Variants in CPPED1 observed in about 807,000 individuals in gnomAD.
CPPED1 encodes the protein serine/threonine-protein phosphatase CPPED1.
CPPED1 carries 28 observed loss-of-function variants against 28.0 expected under a neutral mutation model. The ratio of observed to expected loss-of-function variants is 1.00; its 90% CI spans 0.74 to 1.37. The LOEUF (loss-of-function observed/expected upper bound fraction) is 1.37, where lower values mean the gene tolerates loss of function less well. CPPED1 is among the 40% of genes most tolerant of loss of function. The pLI is 0.00. For missense variants in CPPED1, 504 were observed against 416.5 expected (o/e 1.21, Z -1.83); for synonymous variants, 198 against 180.2 (o/e 1.10, Z -0.79).
chr16:12,676,362 T>C (rs1480300068), intron 3 of CPPED1, among the ~76,000 whole-genome samples: 2 of 152,162 alleles, frequency 1.3e-5, no homozygotes, highest in Non-Finnish European at 2.9e-5. Flanking sequence ...GAGCTACTCA[T>C]AACAAAATGC....
chr16:12,783,677 T>C lies in CPPED1; in HGVS notation c.71-2274A>G, dbSNP rs145697315. ...CTCACTATCACCTTAGAATGGACTC[T>C]GGTTTCAAGCCTCCTTTCCCTTCTT... On this transcript the variant is annotated intron_variant, in intron 1 of 3. Coordinates refer to ENST00000381774, the MANE Select transcript of CPPED1 (RefSeq NM_018340.3). Among the ~76,000 whole-genome samples, 128 of 152,248 alleles carry C rather than the reference T, an allele frequency of 8.4e-4. 2 individuals are homozygous for C. In the South Asian group the frequency reaches 0.011, roughly 13 times the overall value.
intron 1 of CPPED1, among the ~76,000 whole-genome samples, chr16:12,789,699 G>C (rs1052988253): frequency 1.3e-5 from 2 of 152,034 alleles, no homozygotes; most frequent in Non-Finnish European, 2.9e-5. Flanking sequence ...TTAATTTTTT[G>C]TATTTTTGGT....
At chr16:12,793,560 A>G (rs1596487896) in intron 1 of CPPED1, among the ~76,000 whole-genome samples, 1 of 152,206 alleles carries the variant, frequency 6.6e-6, no homozygotes, top group East Asian at 1.9e-4. Context: ...TCTGCACAGT[A>G]GGAATAACAG....
rs145885898 is a variant in CPPED1 at position 12,759,025 on chromosome 16, T to A, written c.289+22160A>T. 4.0e-3 allele frequency among the ~76,000 whole-genome samples: 599 copies of A among 151,386 alleles called. 2 individuals are homozygous for A. Among genetic ancestry groups the A allele is most frequent in the Middle Eastern group, 0.017 (5 of 294 alleles). Reference sequence around the variant, plus strand: ...AAAAAATTTTAAAATTAGCTGGACATGGTGGCATGTATCTGCAGTCCCAGC... The same window carrying A: ...AAAAAATTTTAAAATTAGCTGGACAAGGTGGCATGTATCTGCAGTCCCAGC... On this transcript the variant is annotated intron_variant, in intron 2 of 3. Transcript: ENST00000381774.
intron 2 of CPPED1, among the ~76,000 whole-genome samples, chr16:12,768,341 C>A (rs1419871370): frequency 2.6e-5 from 4 of 152,204 alleles, no homozygotes; most frequent in African/African-American, 4.8e-5. Context: ...AACACTGGAA[C>A]CCAGACGGAA....
chr16:12,696,123 G>T (rs1166616490), intron 3 of CPPED1, among the ~76,000 whole-genome samples: 2 of 151,794 alleles, frequency 1.3e-5, no homozygotes, highest in Non-Finnish European at 2.9e-5. Context: ...GGAGCCAAGA[G>T]AATTTTGTCT....
chr16:12,782,470 G>A (rs780300724), intron 1 of CPPED1, among the ~76,000 whole-genome samples: 2 of 151,744 alleles, frequency 1.3e-5, no homozygotes, highest in African/African-American at 4.8e-5. Context: ...ACTGAGGCCC[G>A]GAGAGGCAAG....
chr16:12,791,643 C>A (rs1021025884), intron 1 of CPPED1, among the ~76,000 whole-genome samples: 1 of 152,200 alleles, frequency 6.6e-6, no homozygotes, highest in African/African-American at 2.4e-5. Context: ...GAGAAGGAGG[C>A]TGGCAGGATG....
At chr16:12,782,406 C>A (rs908573046) in intron 1 of CPPED1, among the ~76,000 whole-genome samples, 1 of 152,114 alleles carries the variant, frequency 6.6e-6, no homozygotes, top group Non-Finnish European at 1.5e-5. Flanking sequence ...GGGCTGGACA[C>A]GGCACAGTCT....
At chr16:12,754,462 C>A (rs1486037307) in intron 2 of CPPED1, among the ~76,000 whole-genome samples, 1 of 152,108 alleles carries the variant, frequency 6.6e-6, no homozygotes, top group Non-Finnish European at 1.5e-5. Context: ...GAAGGGGGGC[C>A]CAATTTCTAA....
At chr16:12,712,580 G>A (rs1045298699) in intron 2 of CPPED1, among the ~76,000 whole-genome samples, 1 of 152,138 alleles carries the variant, frequency 6.6e-6, no homozygotes, top group Non-Finnish European at 1.5e-5. Flanking sequence ...TATGTATAGA[G>A]TAATAAACAG....
intron 1 of CPPED1, among the ~76,000 whole-genome samples, chr16:12,796,903 T>C (rs9941068): frequency 0.26 from 39,308 of 152,098 alleles, 6,499 homozygotes; most frequent in African/African-American, 0.47. Flanking sequence ...GGGTTATCTA[T>C]ACAATGGAAT....
intron 2 of CPPED1, among the ~76,000 whole-genome samples, chr16:12,723,535 G>C (rs906824509): frequency 6.6e-6 from 1 of 152,098 alleles, no homozygotes; most frequent in Non-Finnish European, 1.5e-5. Flanking sequence ...GGGAGAAGTC[G>C]GCCATCTGCA....
intron 2 of CPPED1, among the ~76,000 whole-genome samples, chr16:12,757,151 C>A (rs970451365): frequency 6.6e-6 from 1 of 151,992 alleles, no homozygotes; most frequent in Non-Finnish European, 1.5e-5. Context: ...AGTTATAGCA[C>A]CTCGAGGGTG....
At position 12,690,273 on chromosome 16, in the gene CPPED1, A is replaced by C. The variant is rs140316339; in HGVS notation, c.715+14351T>G. ...ATGCGTATAACCACAGCACTTTGGG[A>C]GGCCAAGGCAGGCAGACTGCTTGAG... On this transcript the variant is annotated intron_variant, in intron 3 of 3. Coordinates refer to ENST00000381774, the MANE Select transcript of CPPED1 (RefSeq NM_018340.3). Among the ~76,000 whole-genome samples the C allele has an allele frequency of 3.0e-3, 464 of 152,222 alleles. 2 individuals carry two copies. Among genetic ancestry groups the C allele is most frequent in the African/African-American group, 0.01 (432 of 41,552 alleles).
Position 12,682,744 on chromosome 16 carries a change from A to G in CPPED1, c.716-17629T>C, listed in dbSNP as rs1355644589. On this transcript the variant is annotated intron_variant, in intron 3 of 3. Coordinates refer to ENST00000381774, the MANE Select transcript of CPPED1 (RefSeq NM_018340.3). The surrounding 1 kb of genome is among the most constrained non-coding windows in gnomAD (Gnocchi z 6.1). ...ACTTTCCTCTCATCCTTCTCTAAGT[A>G]TCTGATCAGAAGATCTTTTTCTTTT... Among the ~76,000 whole-genome samples, 1 of 152,266 alleles carries G rather than the reference A, an allele frequency of 6.6e-6. No homozygotes were observed. The highest frequency in any genetic ancestry group is 1.5e-5 in the Non-Finnish European group (1 of 68,038).
chr16:12,671,913 T>G (rs539037939), intron 3 of CPPED1, among the ~76,000 whole-genome samples: 1 of 152,360 alleles, frequency 6.6e-6, no homozygotes, highest in African/African-American at 2.4e-5. Context: ...GGACGCCATA[T>G]ATGAAGGGGG....
At chr16:12,770,903 G>A (rs963186443) in intron 2 of CPPED1, among the ~76,000 whole-genome samples, 7 of 150,170 alleles carry the variant, frequency 4.7e-5, no homozygotes, top group Admixed American at 2.0e-4. Context: ...GGGGCGGGGC[G>A]GGGCTGGGAA....
At chr16:12,705,913 G>A (rs181181707) in intron 2 of CPPED1, among the ~76,000 whole-genome samples, 121 of 152,028 alleles carry the variant, frequency 8.0e-4, no homozygotes, top group African/African-American at 2.7e-3. Flanking sequence ...CTTTTCTTTC[G>A]GCCTGTTGAT....
Sources: gnomAD v4.1 joint callset for allele counts (sites outside exome capture counted in the v4.1 genomes callset) on GRCh38, gnomAD v4.1.1 for gene constraint, Gnocchi (gnomAD v3.1) non-coding constraint, MANE v1.5 for transcripts, NCBI Gene and HGNC (gene_info 2026-07-23, HGNC 2026-07-21) for gene names.